KATNAL2: variants seen among roughly 807,000 people sequenced by gnomAD.
KATNAL2 encodes katanin p60 ATPase-containing subunit A-like 2.
KATNAL2 carries 52 observed loss-of-function variants against 76.3 expected under a neutral mutation model. The ratio of observed to expected loss-of-function variants is 0.68; its 90% confidence interval spans 0.55 to 0.86. The LOEUF (loss-of-function observed/expected upper bound fraction) is 0.86, where lower values mean the gene tolerates loss of function less well. Ranked by LOEUF, KATNAL2 falls within the 40% of genes least tolerant of loss-of-function variation. KATNAL2 has a pLI of 0.00. For synonymous variants in KATNAL2, 243 were observed against 244.2 expected (o/e 1.00, Z 0.05); for missense variants, 660 against 668.9 (o/e 0.99, Z 0.15).
At chr18:46,926,164 T>A (rs1250231631) in intron 1 of KATNAL2, among the ~76,000 whole-genome samples, 1 of 152,214 alleles carries the variant, frequency 6.6e-6, no homozygotes, top group African/African-American at 2.4e-5. Flanking sequence ...CTAGTTCTTT[T>A]AATTGTGATG....
At chr18:47,032,809 C>T (rs1469709667) in intron 3 of KATNAL2, 3 of 995,952 alleles carry the variant, frequency 3.0e-6, no homozygotes, top group Admixed American at 2.7e-5. Flanking sequence ...AGGTGTTCTC[C>T]AAGCTGGGAG....
At chr18:46,942,354 C>T (rs974640926) in intron 1 of KATNAL2, among the ~76,000 whole-genome samples, 3 of 152,162 alleles carry the variant, frequency 2.0e-5, no homozygotes, top group Non-Finnish European at 2.9e-5. Context: ...TGGTGGCTCA[C>T]GCCTGTAATC....
intron 15 of KATNAL2, among the ~76,000 whole-genome samples, chr18:47,093,046 T>C (rs553682926): frequency 6.6e-6 from 1 of 152,364 alleles, no homozygotes; most frequent in East Asian, 1.9e-4. Context: ...TGAGAAGTCT[T>C]ATTGATCCAT....
intron 1 of KATNAL2, among the ~76,000 whole-genome samples, chr18:46,938,040 G>T (rs1255322679): frequency 6.6e-6 from 1 of 151,932 alleles, no homozygotes; most frequent in African/African-American, 2.4e-5. Context: ...AGGCTGCAGT[G>T]AGCCATGTTT....
At chr18:47,084,261 G>GT in intron 15 of KATNAL2, 1 of 689,464 alleles carries the variant, frequency 1.5e-6, no homozygotes, top group Admixed American at 2.0e-5. Context: ...TCCTGCTGGT[G>GT]TAACATTGCT....
chr18:47,033,913 G>C (rs749767940), intron 3 of KATNAL2: 6 of 1,612,942 alleles, frequency 3.7e-6, no homozygotes, highest in Middle Eastern at 3.8e-4. Context: ...CACCGTTTTC[G>C]GCCCGGCGGA....
intron 3 of KATNAL2, among the ~76,000 whole-genome samples, chr18:47,032,088 C>A (rs1324416625): frequency 6.6e-6 from 1 of 152,200 alleles, no homozygotes; most frequent in East Asian, 1.9e-4. Context: ...TGATTCAGAA[C>A]CTAAATAAGC....
At chr18:47,036,414 TC>T (rs2060776046) in intron 3 of KATNAL2, among the ~76,000 whole-genome samples, 1 of 152,228 alleles carries the variant, frequency 6.6e-6, no homozygotes. Context: ...TTTTGAGCAT[TC>T]CCCAAAACTG....
chr18:47,045,637 C>T (rs567829558), intron 3 of KATNAL2, among the ~76,000 whole-genome samples: 1 of 152,176 alleles, frequency 6.6e-6, no homozygotes, highest in African/African-American at 2.4e-5. Context: ...AAAAGTGTTT[C>T]TATGTATCAT....
At chr18:46,959,445 G>A (rs2059866447) in intron 3 of KATNAL2, among the ~76,000 whole-genome samples, 1 of 151,944 alleles carries the variant, frequency 6.6e-6, no homozygotes, top group Non-Finnish European at 1.5e-5. Context: ...TGCCACATTA[G>A]TACTCTTGGA....
chr18:46,955,140 C>CTTTCTTTCTTTCTTTCTTTCTTTCTT (rs1555834718), intron 3 of KATNAL2, among the ~76,000 whole-genome samples: 29 of 85,074 alleles, frequency 3.4e-4, no homozygotes, highest in African/African-American at 9.9e-4. Flanking sequence ...CTTTCTCTCT[C>CTTTCTTTCTTTCTTTCTTTCTTTCTT]TCTTTCTTTC....
intron 10 of KATNAL2, 32 bp downstream of exon 10, chr18:47,063,393 G>A (rs2147156784): frequency 6.4e-7 from 1 of 1,570,168 alleles, no homozygotes. Context: ...ACAAATTTAT[G>A]GAGGCAGGCT....
intron 15 of KATNAL2, chr18:47,098,099 T>C (rs559226366): frequency 3.1e-5 from 5 of 161,480 alleles, no homozygotes; most frequent in South Asian, 3.3e-4. Flanking sequence ...GAAGCAGATA[T>C]AGAAGAATAC....
rs186879272 is a variant in KATNAL2 at position 47,051,297 on chromosome 18, G to A, written c.123-1583G>A. Among the ~76,000 whole-genome samples the A allele has an allele frequency of 1.2e-4, 19 of 152,162 alleles. No homozygotes were observed. The East Asian group carries it at 3.5e-3, about 28-fold the overall frequency. ...AATAAAATAAATAGCTGGGCGTGGT[G>A]GTGCACGCCTGTAGTCCAAGCTACT... On this transcript the variant is annotated intron_variant, in intron 4 of 17. Coordinates refer to ENST00000683218, the MANE Select transcript of KATNAL2 (RefSeq NM_001387690.1).
At position 47,074,809 on chromosome 18, in the gene KATNAL2, A is replaced by T. The variant is rs79011764; in HGVS notation, c.1009-468A>T. Among the ~76,000 whole-genome samples the T allele has an allele frequency of 2.4e-3, 367 of 152,290 alleles. 5 individuals are homozygous for T. Among genetic ancestry groups the T allele is most frequent in the Admixed American group, 0.019 (294 of 15,302 alleles). ...AGGGGCTAAATTTGTCAGCCTTGTTACCCATGATGGGAACCCAATCCTTCC... is the reference window on the plus strand; with the variant it reads ...AGGGGCTAAATTTGTCAGCCTTGTTTCCCATGATGGGAACCCAATCCTTCC... On this transcript the variant is annotated intron_variant, in intron 13 of 17. Coordinates refer to ENST00000683218, the MANE Select transcript of KATNAL2 (RefSeq NM_001387690.1).
At chr18:46,923,405 A>G (rs1395455865) in intron 1 of KATNAL2, among the ~76,000 whole-genome samples, 3 of 150,234 alleles carry the variant, frequency 2.0e-5, no homozygotes, top group Admixed American at 2.0e-4. Flanking sequence ...TGAACTCATC[A>G]TTTTTTATGG....
Position 47,054,297 on chromosome 18 carries a change from T to A in KATNAL2, c.290-99T>A, listed in dbSNP as rs188774180. 5.6e-4 allele frequency: 618 copies of A among 1,104,544 alleles called. 1 individual carries two copies. The highest frequency in any genetic ancestry group is 5.2e-3 in the Middle Eastern group (25 of 4,840). 68.4% of individuals were successfully genotyped at this position (1,104,544 alleles called of 1,614,324 possible). ...AGATTCCAATTGGTTAAAACTCAAA[T>A]TTTAAGAACAATGCAAAAAGGGGAA... On this transcript the variant is annotated intron_variant, in intron 5 of 17. Coordinates refer to ENST00000683218, the MANE Select transcript of KATNAL2 (RefSeq NM_001387690.1).
chr18:47,080,713 T>C (rs2147279391), intron 15 of KATNAL2, among the ~76,000 whole-genome samples: 1 of 152,348 alleles, frequency 6.6e-6, no homozygotes, highest in South Asian at 2.1e-4. Flanking sequence ...CGCTTGTTAT[T>C]ATATGTCTCT....
rs150471899 is a variant in KATNAL2 at position 47,058,289 on chromosome 18, G to A, written c.387G>A (p.Arg129=). The change falls in exon 7 of 18, where the codon CGG becomes CGA. Residue 129 remains arginine, a synonymous_variant. Transcript: ENST00000683218. The part of the protein sequence containing the change: ...NLPKINQQRP[R]SKTTAGKTGD... ...CCAAGATCAATCAGCAGAGGCCCCG[G>A]TCCAAAACCACAGCGGGGAAGACAG... 48 of 1,614,058 alleles carry A rather than the reference G, an allele frequency of 3.0e-5. No homozygotes were observed. In the South Asian group the frequency reaches 4.7e-4, roughly 16 times the overall value.
Sources: gnomAD v4.1 joint callset for allele counts (sites outside exome capture counted in the v4.1 genomes callset) on GRCh38, gnomAD v4.1.1 for gene constraint, MANE v1.5 for transcripts, NCBI Gene and HGNC (gene_info 2026-07-23, HGNC 2026-07-21) for gene names.